Variants in METTL22 observed in about 807,000 individuals in gnomAD.
METTL22 encodes the protein methyltransferase-like protein 22.
In METTL22, 51 loss-of-function variants were observed where a neutral mutation model predicts 48.4. The observed-to-expected ratio is 1.05, with a 90% CI of 0.84 to 1.33. The LOEUF is 1.33. Among genes scored for constraint, METTL22 ranks in the 40% most tolerant of loss-of-function variants. The pLI is 0.00. For synonymous variants in METTL22, 255 were observed against 214.1 expected, an observed-to-expected ratio of 1.19 and a Z score of -1.67; for missense variants, 678 against 526.9, an observed-to-expected ratio of 1.29 and a Z score of -2.81.
chr16:8,658,278 C>T, the METTL22 span, among the ~76,000 whole-genome samples: 3 of 152,202 alleles, frequency 2.0e-5, no homozygotes, highest in Admixed American at 6.5e-5. Flanking sequence ...CCTTTGGAGG[C>T]GTGAGTCCCT....
intron 3 of METTL22, among the ~76,000 whole-genome samples, chr16:8,633,881 T>A (rs2056343174): frequency 6.6e-6 from 1 of 152,218 alleles, no homozygotes; most frequent in Non-Finnish European, 1.5e-5. Context: ...TGTGAGCCAA[T>A]CAGGTAGAAT....
chr16:8,641,263 T>A (rs8062990), intron 7 of METTL22, 79 bp downstream of exon 7: 1 of 1,455,446 alleles, frequency 6.9e-7, no homozygotes, highest in Non-Finnish European at 9.6e-7. Flanking sequence ...GCTCTGTGGT[T>A]TTGACAGAGC....
intron 6 of METTL22, chr16:8,639,377 CCTACTCCAGCTCTTTCTCTCCCGGACA>C: frequency 1.7e-6 from 1 of 589,950 alleles, no homozygotes; most frequent in Non-Finnish European, 3.0e-6. Context: ...ACTGCGTCAT[CCTACTCCAGCTCTTTCTCTCCCGGACA>C]CTGGCGGCGG....
At chr16:8,643,177 C>G (rs1247084389) in intron 9 of METTL22, among the ~76,000 whole-genome samples, 2 of 152,216 alleles carry the variant, frequency 1.3e-5, no homozygotes, top group Non-Finnish European at 2.9e-5. Context: ...GACTTCTTCA[C>G]CCAGCAATTC....
chr16:8,664,194 T>G, the METTL22 span, among the ~76,000 whole-genome samples: 1 of 152,026 alleles, frequency 6.6e-6, no homozygotes, highest in East Asian at 1.9e-4. Context: ...CTCAAGCGAT[T>G]CTCCTGCCTC....
At chr16:8,629,295 C>T (rs985702043) in intron 3 of METTL22, among the ~76,000 whole-genome samples, 185 bp downstream of exon 3, 36 of 152,226 alleles carry the variant, frequency 2.4e-4, no homozygotes, top group Non-Finnish European at 4.6e-4. Flanking sequence ...CACACCACCA[C>T]AGCCTCACCC....
chr16:8,645,769 C>T, intron 10 of METTL22: 1 of 341,486 alleles, frequency 2.9e-6, no homozygotes, highest in Non-Finnish European at 4.5e-6. Context: ...GAATGAGATC[C>T]TGTCTCTAAA....
chr16:8,627,933 A>G (rs1596334693), intron 2 of METTL22, among the ~76,000 whole-genome samples: 1 of 152,156 alleles, frequency 6.6e-6, no homozygotes, highest in South Asian at 2.1e-4. Flanking sequence ...AGAGAAGGGG[A>G]TTTACCATGT....
chr16:8,636,533 AAAAAAAC>A (rs2056428697), intron 5 of METTL22, among the ~76,000 whole-genome samples: 2 of 121,602 alleles, frequency 1.6e-5, no homozygotes, highest in African/African-American at 3.0e-5. Context: ...AAAAAAAAAA[AAAAAAAC>A]AAACTTTATA....
At chr16:8,659,247 C>T in the METTL22 span, among the ~76,000 whole-genome samples, 19 of 151,702 alleles carry the variant, frequency 1.3e-4, no homozygotes, top group Non-Finnish European at 2.2e-4. Context: ...GGGAGAATTG[C>T]TTGAACCTGG....
At chr16:8,632,066 G>T (rs1234501030) in intron 3 of METTL22, 1 of 152,250 alleles carries the variant, frequency 6.6e-6, no homozygotes, top group African/African-American at 2.4e-5. Context: ...CGGGGCAGGG[G>T]TCGGGTAGAC....
At chr16:8,624,526 C>T (rs571991539) in intron 1 of METTL22, among the ~76,000 whole-genome samples, 31 of 152,100 alleles carry the variant, frequency 2.0e-4, no homozygotes, top group Admixed American at 6.5e-4. Context: ...ACTACCAGCG[C>T]GCGCCACGAC....
chr16:8,635,062 G>T lies in METTL22; in HGVS notation c.538G>T (p.Glu180Ter). Reference protein sequence around the residue: ...RIEHTMATPLEDVGKQVWRGA... With the variant: ...RIEHTMATPL Reference sequence around the variant, plus strand: ...AGAGCACACCATGGCCACGCCCCTGGAGGATGTTGGCAAGCAGGTGGGTAG... The same window carrying T: ...AGAGCACACCATGGCCACGCCCCTGTAGGATGTTGGCAAGCAGGTGGGTAG... The change falls in exon 4 of 11, where the codon GAG (glutamate) becomes TAG (stop). Residue 180 changes from glutamate (E) to a stop codon, truncating the protein, a stop_gained. Transcript: ENST00000381920. LOFTEE classifies it high-confidence loss of function. 1 of 1,613,832 alleles carries T rather than the reference G, an allele frequency of 6.2e-7. No individual in the cohort carries two copies. The highest frequency in any genetic ancestry group is 8.5e-7 in the Non-Finnish European group (1 of 1,180,032).
At chr16:8,663,788 G>T in the METTL22 span, among the ~76,000 whole-genome samples, 1 of 152,164 alleles carries the variant, frequency 6.6e-6, no homozygotes, top group Non-Finnish European at 1.5e-5. Context: ...ACCTTTCTGG[G>T]TTTCATTTGT....
At chr16:8,664,342 C>T in the METTL22 span, among the ~76,000 whole-genome samples, 1 of 152,160 alleles carries the variant, frequency 6.6e-6, no homozygotes, top group Non-Finnish European at 1.5e-5. Context: ...GACAGGGTTT[C>T]ACCATGTTGG....
At chr16:8,661,233 G>C in the METTL22 span, among the ~76,000 whole-genome samples, 5 of 151,900 alleles carry the variant, frequency 3.3e-5, no homozygotes, top group Admixed American at 6.6e-5. Flanking sequence ...TGGGTCTACA[G>C]TGACTCTCGG....
chr16:8,639,063 C>A (rs752454007), intron 5 of METTL22, 28 bp from the exon 6 acceptor site: 2 of 1,613,284 alleles, frequency 1.2e-6, no homozygotes, highest in South Asian at 1.1e-5. Context: ...GTGGCTGGCA[C>A]TTTATGGCTT....
chr16:8,664,439 C>T, the METTL22 span, among the ~76,000 whole-genome samples: 6,052 of 151,962 alleles, frequency 0.04, 169 homozygotes, highest in Middle Eastern at 0.078. Context: ...GCCACCACGC[C>T]CAGCCTACAT....
At chr16:8,626,347 G>T (rs868858170) in intron 2 of METTL22, among the ~76,000 whole-genome samples, 7 of 152,188 alleles carry the variant, frequency 4.6e-5, no homozygotes, top group East Asian at 1.9e-4. Context: ...CCCAGGACTT[G>T]ATGCTGGGAA....
Sources: allele counts gnomAD v4.1 joint callset (sites outside exome capture counted in the v4.1 genomes callset), GRCh38; gene constraint gnomAD v4.1.1; transcripts MANE v1.5; gene names NCBI Gene and HGNC (gene_info 2026-07-23, HGNC 2026-07-21).